Variants in HDAC8 observed in about 807,000 individuals in gnomAD.
HDAC8 encodes histone deacetylase 8.
A neutral mutation model predicts 32.2 loss-of-function variants in HDAC8; 1 was observed. That is an observed-to-expected ratio of 0.03 (90% CI 0.01 to 0.15). The LOEUF (loss-of-function observed/expected upper bound fraction) is 0.15. HDAC8 is among the 10% of genes least tolerant of loss of function. The probability of loss-of-function intolerance (pLI) is 1.00; values close to 1 mark genes in which losing one functional copy is unlikely to be tolerated. For synonymous variants in HDAC8, 108 were observed against 113.9 expected, an observed-to-expected ratio of 0.95 and a Z score of 0.33; for missense variants, 117 against 300.0, an observed-to-expected ratio of 0.39 and a Z score of 4.51.
intron 9 of HDAC8, among the ~76,000 whole-genome samples, chrX:72,371,958 G>T (rs1555956515): frequency 9.0e-6 from 1 of 110,784 alleles, no homozygotes; most frequent in Admixed American, 9.6e-5. Flanking sequence ...ATAAAGTAGG[G>T]TAAGGGGTTG....
chrX:72,456,556 T>C (rs2047723649), intron 9 of HDAC8, among the ~76,000 whole-genome samples: 1 of 111,619 alleles, frequency 9.0e-6, no homozygotes, highest in South Asian at 3.8e-4. Flanking sequence ...CCCAGCACTT[T>C]GGGAGGCCAA....
chrX:72,455,920 G>A (rs988642571), intron 9 of HDAC8, among the ~76,000 whole-genome samples: 7 of 112,207 alleles, frequency 6.2e-5, no homozygotes, highest in Non-Finnish European at 1.1e-4. Flanking sequence ...CACTGATACG[G>A]TTTCAGATTC....
intron 9 of HDAC8, among the ~76,000 whole-genome samples, chrX:72,425,011 G>A (rs1229947955): frequency 8.9e-6 from 1 of 111,815 alleles, no homozygotes; most frequent in Admixed American, 9.5e-5. Context: ...TTTGCATAAT[G>A]CTATAGTTAA....
rs1424574135 is a variant in HDAC8 at position 72,490,455 on chromosome X, G to A, written c.628+474C>T. On this transcript the variant is annotated intron_variant, in intron 6 of 10. Coordinates refer to ENST00000373573, the MANE Select transcript of HDAC8 (RefSeq NM_018486.3). ...AGGATGAGTTCATGTCCTTTGTAGG[G>A]ACATGGATGAAATTGGAAATCATCA... Among the ~76,000 whole-genome samples the A allele has an allele frequency of 9.3e-5, 10 of 107,736 alleles. No homozygotes were observed. The East Asian group carries it at 2.9e-3, about 32-fold the overall frequency. The allele number at this position is 107,736 out of a possible 115,157, so 93.6% of individuals were successfully genotyped here.
intron 9 of HDAC8, among the ~76,000 whole-genome samples, chrX:72,411,745 T>C (rs1555970316): frequency 8.9e-6 from 1 of 112,263 alleles, no homozygotes; most frequent in African/African-American, 3.2e-5. Flanking sequence ...GAATAGCATA[T>C]CTAGTTTCAC....
intron 9 of HDAC8, among the ~76,000 whole-genome samples, chrX:72,392,556 C>T (rs1344921235): frequency 8.9e-6 from 1 of 111,986 alleles, no homozygotes; most frequent in African/African-American, 3.2e-5. Flanking sequence ...GTCGACAGTA[C>T]CTACTAGCTT....
intron 9 of HDAC8, among the ~76,000 whole-genome samples, chrX:72,420,206 C>T (rs2046448117): frequency 9.0e-6 from 1 of 111,490 alleles, no homozygotes; most frequent in Admixed American, 9.5e-5. Flanking sequence ...TAGAATTCAC[C>T]AGTGAAAGTT....
intron 9 of HDAC8, among the ~76,000 whole-genome samples, chrX:72,362,218 C>T (rs1330282950): frequency 9.0e-6 from 1 of 111,094 alleles, no homozygotes; most frequent in Non-Finnish European, 1.9e-5. Flanking sequence ...GTAATCAGTG[C>T]ATTCTTGCTC....
chrX:72,357,764 A>G lies in HDAC8; in HGVS notation c.1006-5926T>C, dbSNP rs78842778. Among the ~76,000 whole-genome samples, 12 of 111,610 alleles carry G rather than the reference A, an allele frequency of 1.1e-4. No homozygotes were observed. The East Asian group carries it at 3.4e-3, about 32-fold the overall frequency. ...ATAGTACCGAGCCTGATTGCTGTCAATCAGAACAGGTTTCTCTTGTCTTCC... is the reference window on the plus strand; with the variant it reads ...ATAGTACCGAGCCTGATTGCTGTCAGTCAGAACAGGTTTCTCTTGTCTTCC... On this transcript the variant is annotated intron_variant, in intron 9 of 10. Coordinates refer to ENST00000373573, the MANE Select transcript of HDAC8 (RefSeq NM_018486.3).
At chrX:72,441,701 T>G (rs971167902) in intron 9 of HDAC8, among the ~76,000 whole-genome samples, 3 of 111,207 alleles carry the variant, frequency 2.7e-5, no homozygotes, top group Non-Finnish European at 5.7e-5. Context: ...CTTTGAAGAG[T>G]TGAGAGAAGA....
At chrX:72,355,245 G>C (rs1267584447) in intron 9 of HDAC8, among the ~76,000 whole-genome samples, 1 of 112,126 alleles carries the variant, frequency 8.9e-6, no homozygotes, top group East Asian at 2.8e-4. Flanking sequence ...GATTTGGCTA[G>C]AACTAGAAAT....
intron 2 of HDAC8, among the ~76,000 whole-genome samples, chrX:72,571,579 T>C (rs1282528551): frequency 2.4e-5 from 2 of 81,770 alleles, no homozygotes; most frequent in African/African-American, 1.1e-4. Flanking sequence ...TTTTTTTTTT[T>C]TTTTGAGACG....
At chrX:72,414,388 C>T (rs34269181) in intron 9 of HDAC8, among the ~76,000 whole-genome samples, 200 of 111,572 alleles carry the variant, frequency 1.8e-3, no homozygotes, top group African/African-American at 6.2e-3. Flanking sequence ...GGAGTCTAGG[C>T]TGCAGTACGG....
chrX:72,468,211 A>T (rs1260907078), intron 7 of HDAC8, among the ~76,000 whole-genome samples: 1 of 112,002 alleles, frequency 8.9e-6, no homozygotes, highest in Non-Finnish European at 1.9e-5. Flanking sequence ...GTAAGTACTA[A>T]TGTTGCTGAA....
intron 9 of HDAC8, among the ~76,000 whole-genome samples, chrX:72,440,896 T>TG (rs1210453119): frequency 5.1e-4 from 57 of 112,250 alleles, no homozygotes; most frequent in African/African-American, 6.8e-4. Flanking sequence ...GCACCTGGCT[T>TG]GGGGGGGTCC....
At chrX:72,344,624 A>C (rs1194008331) in intron 10 of HDAC8, among the ~76,000 whole-genome samples, 10 of 112,170 alleles carry the variant, frequency 8.9e-5, no homozygotes, top group African/African-American at 3.2e-4. Flanking sequence ...TCAAAAGAGA[A>C]CACATCAAGT....
chrX:72,567,455 T>C (rs1259383492), intron 4 of HDAC8: 1 of 282,264 alleles, frequency 3.5e-6, no homozygotes, highest in African/African-American at 2.6e-5. Context: ...CTTCAGCTCA[T>C]ACATATATTC....
At chrX:72,478,681 T>C (rs1477283158) in intron 7 of HDAC8, among the ~76,000 whole-genome samples, 2 of 98,370 alleles carry the variant, frequency 2.0e-5, no homozygotes, top group Non-Finnish European at 4.1e-5. Context: ...TTTGACGGAG[T>C]CTTGCTCTGT....
chrX:72,506,524 A>T (rs1371823231), intron 4 of HDAC8, among the ~76,000 whole-genome samples: 1 of 112,013 alleles, frequency 8.9e-6, no homozygotes, highest in African/African-American at 3.2e-5. Context: ...ATCCATTCCC[A>T]TGAGAGAATA....
Sources: allele counts gnomAD v4.1 joint callset (sites outside exome capture counted in the v4.1 genomes callset), GRCh38; gene constraint gnomAD v4.1.1; transcripts MANE v1.5; gene names NCBI Gene and HGNC (gene_info 2026-07-23, HGNC 2026-07-21).